Variants in ASTN2 observed in about 807,000 individuals in gnomAD.
The protein encoded by ASTN2 is astrotactin-2.
In ASTN2, 54 loss-of-function variants were observed where a neutral mutation model predicts 139.8. That is an observed-to-expected ratio of 0.39 (90% CI 0.31 to 0.48). ASTN2 has a LOEUF of 0.48. Ranked by LOEUF, ASTN2 falls within the 20% of genes least tolerant of loss-of-function variation. The pLI is 0.95. For missense variants in ASTN2, 1,565 were observed against 1,725.1 expected (o/e 0.91, Z 1.64); for synonymous variants, 756 against 719.5 (o/e 1.05, Z -0.81).
intron 19 of ASTN2, among the ~76,000 whole-genome samples, chr9:116,616,977 A>G (rs1006063641): frequency 4.6e-5 from 7 of 152,204 alleles, no homozygotes; most frequent in Non-Finnish European, 8.8e-5. Flanking sequence ...CAGAATTAAC[A>G]AAGTTTGAAA....
At chr9:117,107,772 A>G (rs1278932692) in intron 4 of ASTN2, among the ~76,000 whole-genome samples, 1 of 152,220 alleles carries the variant, frequency 6.6e-6, no homozygotes, top group Middle Eastern at 3.2e-3. Flanking sequence ...ATGCACTGCA[A>G]ATAAATCTGG....
At chr9:116,645,176 CT>C (rs1857526992) in intron 17 of ASTN2, among the ~76,000 whole-genome samples, 1 of 152,168 alleles carries the variant, frequency 6.6e-6, no homozygotes, top group African/African-American at 2.4e-5. Flanking sequence ...TGCCACTCCT[CT>C]GCCTCCTCCA....
intron 1 of ASTN2, among the ~76,000 whole-genome samples, chr9:117,388,360 C>A (rs192926032): frequency 8.5e-5 from 13 of 152,214 alleles, no homozygotes; most frequent in Admixed American, 8.5e-4. Flanking sequence ...ATCAGGCCAC[C>A]CTGGGCTAAT....
intron 16 of ASTN2, among the ~76,000 whole-genome samples, chr9:116,667,057 G>A (rs967783986): frequency 6.9e-6 from 1 of 143,916 alleles, no homozygotes; most frequent in African/African-American, 2.6e-5. Context: ...CTGTGTTCAA[G>A]CTATTCTCCT....
At chr9:116,684,329 G>T (rs1254905007) in intron 16 of ASTN2, among the ~76,000 whole-genome samples, 1 of 152,162 alleles carries the variant, frequency 6.6e-6, no homozygotes, top group African/African-American at 2.4e-5. Context: ...GTTCTATCAT[G>T]ATTTGTTTTT....
intron 2 of ASTN2, among the ~76,000 whole-genome samples, chr9:117,221,435 A>G (rs916299290): frequency 6.6e-6 from 1 of 152,204 alleles, no homozygotes; most frequent in Non-Finnish European, 1.5e-5. Flanking sequence ...AAAATGCTTT[A>G]TTTGACAATG....
At chr9:116,709,127 C>G (rs563528699) in intron 16 of ASTN2, among the ~76,000 whole-genome samples, 2 of 152,320 alleles carry the variant, frequency 1.3e-5, no homozygotes, top group Non-Finnish European at 2.9e-5. Flanking sequence ...GCCCATTATC[C>G]CTTGGGTCTT....
At chr9:117,107,192 T>C (rs1424017447) in intron 4 of ASTN2, among the ~76,000 whole-genome samples, 1 of 152,200 alleles carries the variant, frequency 6.6e-6, no homozygotes, top group East Asian at 1.9e-4. Context: ...TATGTCAATG[T>C]ACTGCTTATT....
chr9:117,358,510 G>A (rs189591388), intron 1 of ASTN2, among the ~76,000 whole-genome samples: 9 of 152,188 alleles, frequency 5.9e-5, no homozygotes, highest in Admixed American at 3.9e-4. Flanking sequence ...ATTTGAATGC[G>A]AAAGGGGCCA....
intron 4 of ASTN2, among the ~76,000 whole-genome samples, chr9:117,137,887 C>T (rs1327323822): frequency 3.3e-5 from 5 of 152,222 alleles, no homozygotes; most frequent in South Asian, 4.2e-4. Context: ...TTGGAAATTG[C>T]TTTAATAGCA....
intron 2 of ASTN2, among the ~76,000 whole-genome samples, chr9:117,227,862 T>A (rs1832765011): frequency 6.6e-6 from 1 of 152,188 alleles, no homozygotes; most frequent in African/African-American, 2.4e-5. Context: ...GTGAAAGGGA[T>A]GTCAGATGCA....
chr9:116,971,986 G>C (rs7029688), intron 10 of ASTN2, among the ~76,000 whole-genome samples: 1 of 152,034 alleles, frequency 6.6e-6, no homozygotes, highest in African/African-American at 2.4e-5. Flanking sequence ...TAAACTTTAT[G>C]TTTAATCAAA....
chr9:117,368,559 G>A (rs1829907564), intron 1 of ASTN2, among the ~76,000 whole-genome samples: 1 of 152,138 alleles, frequency 6.6e-6, no homozygotes, highest in South Asian at 2.1e-4. Context: ...TAACAGGTGA[G>A]TTTTTCCATT....
rs570327510 is a variant in ASTN2, at chr9:117,102,585, T to G, written c.1169-6434A>C. On this transcript the variant is annotated intron_variant, in intron 4 of 22. Coordinates refer to ENST00000313400, the MANE Select transcript of ASTN2 (RefSeq NM_001365068.1). ...TTACCCAGGCTGGGGTACAGTGGCA[T>G]GATCTCAGCTCACTTCAACCTCTGC... Among the ~76,000 whole-genome samples the G allele has an allele frequency of 3.9e-5, 6 of 152,262 alleles. No homozygotes were observed. The East Asian group carries it at 1.2e-3, about 29-fold the overall frequency.
chr9:116,771,331 T>C (rs564970833), intron 13 of ASTN2, among the ~76,000 whole-genome samples: 1 of 152,062 alleles, frequency 6.6e-6, no homozygotes, highest in Non-Finnish European at 1.5e-5. Flanking sequence ...ATTTTTCAGC[T>C]GTCAGTGGAG....
intron 22 of ASTN2, among the ~76,000 whole-genome samples, chr9:116,436,033 C>T (rs560969477): frequency 6.6e-6 from 1 of 152,266 alleles, no homozygotes; most frequent in Admixed American, 6.5e-5. Flanking sequence ...TGCTGGCTGA[C>T]CAGTCTTTTC....
intron 19 of ASTN2, among the ~76,000 whole-genome samples, chr9:116,522,879 A>T (rs1850938990): frequency 1.3e-5 from 2 of 152,156 alleles, no homozygotes; most frequent in Non-Finnish European, 2.9e-5. Flanking sequence ...TATCTCTACT[A>T]AAGCAGCTGT....
intron 13 of ASTN2, among the ~76,000 whole-genome samples, chr9:116,743,512 A>C (rs1332770566): frequency 6.6e-6 from 1 of 152,022 alleles, no homozygotes; most frequent in African/African-American, 2.4e-5. Flanking sequence ...AGCCGAGATC[A>C]TGCCGCTGCA....
chr9:116,684,877 GC>G (rs1273704740), intron 16 of ASTN2, among the ~76,000 whole-genome samples: 4 of 152,196 alleles, frequency 2.6e-5, no homozygotes, highest in African/African-American at 9.6e-5. Flanking sequence ...ACTCCATCTT[GC>G]TTCTAACTTC....
Sources: gnomAD v4.1 joint callset for allele counts (sites outside exome capture counted in the v4.1 genomes callset) on GRCh38, gnomAD v4.1.1 for gene constraint, MANE v1.5 for transcripts, NCBI Gene and HGNC (gene_info 2026-07-23, HGNC 2026-07-21) for gene names.